The following GALNT14 variants were observed in gnomAD, a reference collection of about 807,000 sequenced individuals.
GALNT14 encodes the protein polypeptide N-acetylgalactosaminyltransferase 14.
A neutral mutation model predicts 77.5 loss-of-function variants in GALNT14; 60 were observed. The observed-to-expected ratio is 0.77, with a 90% CI of 0.63 to 0.96. GALNT14 has a LOEUF of 0.96. GALNT14 is among the 40% of genes least tolerant of loss of function. The pLI is 0.00. For synonymous variants in GALNT14, 280 were observed against 281.7 expected (o/e 0.99, Z 0.06); for missense variants, 710 against 731.0 (o/e 0.97, Z 0.33).
chr2:31,087,771 G>A (rs1676520408), intron 1 of GALNT14, among the ~76,000 whole-genome samples: 5 of 152,204 alleles, frequency 3.3e-5, no homozygotes. Context: ...TACAGATGAT[G>A]CTATAGACTG....
At position 31,010,326 on chromosome 2, in the gene GALNT14, G is replaced by A. The variant is rs764926077; in HGVS notation, c.130-17319C>T. On this transcript the variant is annotated intron_variant, in intron 1 of 14. Transcript: ENST00000349752. ...TTAAAAACGACATCTGTGGCTGGGCGTGGTAGCTCATGCCTGTAATCCCAA... is the reference window on the plus strand; with the variant it reads ...TTAAAAACGACATCTGTGGCTGGGCATGGTAGCTCATGCCTGTAATCCCAA... Among the ~76,000 whole-genome samples the A allele has an allele frequency of 3.1e-4, 47 of 152,330 alleles. 1 individual carries two copies. The highest frequency in any genetic ancestry group is 2.9e-4 in the Non-Finnish European group (20 of 68,030).
chr2:30,902,866 T>A, the GALNT14 span, among the ~76,000 whole-genome samples: 1 of 152,300 alleles, frequency 6.6e-6, no homozygotes, highest in Admixed American at 6.5e-5. Flanking sequence ...ATATTTACTT[T>A]AGTGCAGTAC....
chr2:30,889,418 G>A, the GALNT14 span, among the ~76,000 whole-genome samples: 1 of 152,154 alleles, frequency 6.6e-6, no homozygotes, highest in Non-Finnish European at 1.5e-5. Flanking sequence ...TAGGAGGCCA[G>A]CCCACCAACA....
At chr2:30,915,886 C>T (rs1325473021) in intron 13 of GALNT14, among the ~76,000 whole-genome samples, 1 of 152,186 alleles carries the variant, frequency 6.6e-6, no homozygotes, top group Non-Finnish European at 1.5e-5. Flanking sequence ...AACAAAAGCC[C>T]ACCAAGAGTT....
chr2:30,955,506 C>T, intron 6 of GALNT14, 112 bp downstream of exon 6: 1 of 1,428,338 alleles, frequency 7.0e-7, no homozygotes, highest in Non-Finnish European at 9.5e-7. Context: ...GCGATCTGTT[C>T]TGCCCACCTC....
intron 2 of GALNT14, among the ~76,000 whole-genome samples, chr2:30,973,938 G>A (rs908371364): frequency 5.9e-5 from 9 of 152,142 alleles, no homozygotes; most frequent in Non-Finnish European, 1.2e-4. Context: ...GTCTAGAAAG[G>A]GAATAAGTGG....
At chr2:31,030,588 G>A (rs1448460781) in intron 1 of GALNT14, among the ~76,000 whole-genome samples, 1 of 152,188 alleles carries the variant, frequency 6.6e-6, no homozygotes, top group Non-Finnish European at 1.5e-5. Context: ...AGGATACCCA[G>A]AAGCACTGGC....
intron 2 of GALNT14, among the ~76,000 whole-genome samples, chr2:30,976,732 T>TA (rs1668656284): frequency 6.6e-6 from 1 of 152,160 alleles, no homozygotes; most frequent in African/African-American, 2.4e-5. Flanking sequence ...AAATGTTTCC[T>TA]AAAAAAGATA....
intron 13 of GALNT14, among the ~76,000 whole-genome samples, chr2:30,923,889 C>G (rs1051400086): frequency 6.6e-6 from 1 of 152,150 alleles, no homozygotes; most frequent in African/African-American, 2.4e-5. Flanking sequence ...TTCCTATAGG[C>G]AGGATGCTGC....
intron 1 of GALNT14, among the ~76,000 whole-genome samples, chr2:31,000,034 T>C (rs1670270124): frequency 6.6e-6 from 1 of 152,244 alleles, no homozygotes; most frequent in Admixed American, 6.5e-5. Context: ...CCTAGCCCTC[T>C]AGTCTGCACT....
chr2:30,952,423 T>C (rs1573023935), intron 6 of GALNT14, among the ~76,000 whole-genome samples: 3 of 151,486 alleles, frequency 2.0e-5, no homozygotes, highest in South Asian at 4.2e-4. Flanking sequence ...TGGAATACTA[T>C]GCAGCCATAA....
intron 1 of GALNT14, among the ~76,000 whole-genome samples, chr2:31,030,099 T>C (rs1182282761): frequency 6.6e-6 from 1 of 152,238 alleles, no homozygotes; most frequent in Non-Finnish European, 1.5e-5. Flanking sequence ...ACAGAACTTG[T>C]GCCTTCTTCA....
intron 1 of GALNT14, among the ~76,000 whole-genome samples, chr2:31,018,077 C>T (rs565077497): frequency 3.9e-5 from 6 of 152,270 alleles, no homozygotes; most frequent in African/African-American, 1.2e-4. Context: ...ACAATTTTCA[C>T]GACAAGAAAG....
chr2:31,096,801 C>T (rs148084745), intron 1 of GALNT14, among the ~76,000 whole-genome samples: 29 of 152,232 alleles, frequency 1.9e-4, no homozygotes, highest in African/African-American at 6.7e-4. Context: ...TAACCACCAA[C>T]ACACTACCAC....
At chr2:31,055,650 A>G (rs1382410696) in intron 1 of GALNT14, among the ~76,000 whole-genome samples, 1 of 152,192 alleles carries the variant, frequency 6.6e-6, no homozygotes, top group African/African-American at 2.4e-5. Context: ...GCTCACTGAA[A>G]GGAGAGAGGA....
chr2:31,101,474 C>A (rs929629423), intron 1 of GALNT14, among the ~76,000 whole-genome samples: 1 of 140,584 alleles, frequency 7.1e-6, no homozygotes, highest in Non-Finnish European at 1.5e-5. Context: ...AGAATGTATA[C>A]CTATTTAAAT....
At chr2:31,128,463 A>G (rs1678807881) in intron 1 of GALNT14, among the ~76,000 whole-genome samples, 1 of 152,176 alleles carries the variant, frequency 6.6e-6, no homozygotes, top group South Asian at 2.1e-4. Flanking sequence ...GGTTCTTTCA[A>G]ATGACATTTT....
At chr2:30,905,223 C>T in the GALNT14 span, among the ~76,000 whole-genome samples, 1 of 152,180 alleles carries the variant, frequency 6.6e-6, no homozygotes, top group Admixed American at 6.5e-5. Context: ...ATGACTTTGA[C>T]GAGCTGAGAG....
intron 1 of GALNT14, among the ~76,000 whole-genome samples, chr2:31,096,943 C>A (rs75096346): frequency 6.6e-6 from 1 of 152,084 alleles, no homozygotes; most frequent in Non-Finnish European, 1.5e-5. Context: ...CCTCTAATCG[C>A]GTCCCATTAA....
Sources: gnomAD v4.1 joint callset for allele counts (sites outside exome capture counted in the v4.1 genomes callset) on GRCh38, gnomAD v4.1.1 for gene constraint, MANE v1.5 for transcripts, NCBI Gene and HGNC (gene_info 2026-07-23, HGNC 2026-07-21) for gene names.